Variants in CFAP299 observed in about 807,000 individuals in gnomAD.
CFAP299 encodes cilia- and flagella-associated protein 299.
CFAP299 carries 21 observed loss-of-function variants against 27.0 expected under a neutral mutation model. That is an observed-to-expected ratio of 0.78 (90% CI 0.55 to 1.12). CFAP299 has a LOEUF of 1.12. CFAP299 is among the 50% of genes most tolerant of loss of function. The pLI is 0.00. For missense variants in CFAP299, 310 were observed against 276.6 expected, an observed-to-expected ratio of 1.12 and a Z score of -0.86; for synonymous variants, 104 against 98.1, an observed-to-expected ratio of 1.06 and a Z score of -0.36.
In CFAP299 at chr4:80,909,761, T is replaced by C. The variant is rs116229847; in HGVS notation, c.477-35049T>C. On this transcript the variant is annotated intron_variant, in intron 4 of 5. Transcript: ENST00000358105. Reference sequence around the variant, plus strand: ...ATTTCAAAATTATAAATAAAATATATGATTTTAAAAAGAACAAATAGTTAA... The same window carrying C: ...ATTTCAAAATTATAAATAAAATATACGATTTTAAAAAGAACAAATAGTTAA... 6.1e-3 allele frequency among the ~76,000 whole-genome samples: 932 copies of C among 152,206 alleles called. 11 individuals are homozygous for C. Among genetic ancestry groups the C allele is most frequent in the African/African-American group, 0.021 (884 of 41,576 alleles).
intron 2 of CFAP299, among the ~76,000 whole-genome samples, chr4:80,367,057 A>T (rs2110004149): frequency 6.6e-6 from 1 of 152,274 alleles, no homozygotes; most frequent in Non-Finnish European, 1.5e-5. Flanking sequence ...TGGAAGGGAG[A>T]TTGGACAATG....
chr4:80,398,391 G>T (rs545994636), intron 2 of CFAP299, among the ~76,000 whole-genome samples: 41 of 152,230 alleles, frequency 2.7e-4, no homozygotes, highest in Middle Eastern at 3.4e-3. Flanking sequence ...TCAATCCTAA[G>T]CCAAAAGAAC....
intron 2 of CFAP299, among the ~76,000 whole-genome samples, chr4:80,531,747 G>GT (rs200507684): frequency 0.033 from 3,844 of 116,114 alleles, 181 homozygotes; most frequent in African/African-American, 0.076. Context: ...TAAGATAGAA[G>GT]TTTTTTTTTT....
intron 3 of CFAP299, among the ~76,000 whole-genome samples, chr4:80,711,567 T>A (rs528767412): frequency 2.0e-5 from 3 of 152,252 alleles, no homozygotes; most frequent in African/African-American, 7.2e-5. Context: ...ATTATATTTA[T>A]TTTACGGATG....
intron 4 of CFAP299, among the ~76,000 whole-genome samples, chr4:80,895,704 T>C (rs916234980): frequency 2.6e-5 from 4 of 152,020 alleles, no homozygotes; most frequent in Non-Finnish European, 5.9e-5. Flanking sequence ...CAAAGCTATA[T>C]AGGAGCAGCC....
At chr4:80,837,324 T>C (rs561145615) in intron 3 of CFAP299, among the ~76,000 whole-genome samples, 2 of 152,332 alleles carry the variant, frequency 1.3e-5, no homozygotes, top group South Asian at 4.1e-4. Flanking sequence ...CTGGGATACA[T>C]GTACAGAACA....
At chr4:80,697,838 G>A (rs1721206856) in intron 3 of CFAP299, among the ~76,000 whole-genome samples, 1 of 152,166 alleles carries the variant, frequency 6.6e-6, no homozygotes, top group South Asian at 2.1e-4. Context: ...TCTAAACAAA[G>A]TGACACCGAA....
chr4:80,824,906 A>T (rs963155834), intron 3 of CFAP299, among the ~76,000 whole-genome samples: 1 of 152,030 alleles, frequency 6.6e-6, no homozygotes, highest in Non-Finnish European at 1.5e-5. Flanking sequence ...CATTCAAAGG[A>T]ACAAAAAATT....
chr4:80,799,329 TATA>T (rs1362662732), intron 3 of CFAP299, among the ~76,000 whole-genome samples: 5 of 97,466 alleles, frequency 5.1e-5, no homozygotes, highest in Admixed American at 1.6e-4. Context: ...AATATATTTA[TATA>T]ATATTTATAT....
At chr4:80,614,184 G>A (rs1269122976) in intron 3 of CFAP299, among the ~76,000 whole-genome samples, 2 of 152,102 alleles carry the variant, frequency 1.3e-5, no homozygotes, top group Admixed American at 6.5e-5. Flanking sequence ...AGTTTGCACT[G>A]AAATAATGCT....
chr4:80,416,975 C>A (rs1007505814), intron 2 of CFAP299, among the ~76,000 whole-genome samples: 2 of 152,176 alleles, frequency 1.3e-5, no homozygotes, highest in African/African-American at 2.4e-5. Context: ...AGTAAAGGAA[C>A]AAGGAATGGC....
At chr4:80,961,569 T>C (rs1206866791) in intron 5 of CFAP299, among the ~76,000 whole-genome samples, 1 of 151,796 alleles carries the variant, frequency 6.6e-6, no homozygotes, top group Non-Finnish European at 1.5e-5. Context: ...TTTAACCTAA[T>C]TCATTACCCT....
intron 3 of CFAP299, among the ~76,000 whole-genome samples, chr4:80,722,660 G>A (rs1299024431): frequency 6.6e-6 from 1 of 152,080 alleles, no homozygotes; most frequent in African/African-American, 2.4e-5. Flanking sequence ...CAGCACTTTG[G>A]GAGGCTGAGG....
rs1265364970 is a variant in CFAP299, at chr4:80,691,417, A to C, written c.333+108234A>C. 3.0e-4 allele frequency among the ~76,000 whole-genome samples: 45 copies of C among 150,826 alleles called. No homozygotes were observed. In the East Asian group the frequency reaches 7.4e-3, roughly 25 times the overall value. Reference sequence around the variant, plus strand: ...TGCAAATCAATAAATGTAATCCAGCATATAAACAGAACCAAAGACAAAAAC... The same window carrying C: ...TGCAAATCAATAAATGTAATCCAGCCTATAAACAGAACCAAAGACAAAAAC... On this transcript the variant is annotated intron_variant, in intron 3 of 5. Coordinates refer to ENST00000358105, the MANE Select transcript of CFAP299 (RefSeq NM_152770.3).
At chr4:80,820,445 T>C (rs1049492163) in intron 3 of CFAP299, among the ~76,000 whole-genome samples, 6 of 151,964 alleles carry the variant, frequency 3.9e-5, no homozygotes, top group Non-Finnish European at 2.9e-5. Flanking sequence ...TAGAGAAATA[T>C]GCAACTACAA....
intron 2 of CFAP299, among the ~76,000 whole-genome samples, chr4:80,464,564 T>G (rs1449284031): frequency 6.6e-6 from 1 of 152,164 alleles, no homozygotes; most frequent in East Asian, 1.9e-4. Context: ...CTAGCAAACT[T>G]CTCATTTTTG....
Position 80,406,332 on chromosome 4 carries a change from A to G in CFAP299, c.242+43448A>G, listed in dbSNP as rs558068584. Reference sequence around the variant, plus strand: ...GCATTTCTTTGTGGGTGTCAGATTCATACTCTATCCATTCCTAATACAAAC... The same window carrying G: ...GCATTTCTTTGTGGGTGTCAGATTCGTACTCTATCCATTCCTAATACAAAC... On this transcript the variant is annotated intron_variant, in intron 2 of 5. Coordinates refer to ENST00000358105, the MANE Select transcript of CFAP299 (RefSeq NM_152770.3). Among the ~76,000 whole-genome samples, 6 of 152,266 alleles carry G rather than the reference A, an allele frequency of 3.9e-5. No homozygotes were observed. In the South Asian group the frequency reaches 1.0e-3, roughly 26 times the overall value.
chr4:80,513,251 A>G (rs1226836338), intron 2 of CFAP299, among the ~76,000 whole-genome samples: 3 of 152,152 alleles, frequency 2.0e-5, no homozygotes, highest in Non-Finnish European at 4.4e-5. Flanking sequence ...TTATACTTAA[A>G]CAATTCTGAA....
At chr4:80,625,464 G>A (rs1398377756) in intron 3 of CFAP299, among the ~76,000 whole-genome samples, 4 of 151,884 alleles carry the variant, frequency 2.6e-5, no homozygotes, top group Non-Finnish European at 4.4e-5. Context: ...AAGAGAAAGA[G>A]ACAGAAGATC....
Sources: gnomAD v4.1 joint callset for allele counts (sites outside exome capture counted in the v4.1 genomes callset) on GRCh38, gnomAD v4.1.1 for gene constraint, MANE v1.5 for transcripts, NCBI Gene and HGNC (gene_info 2026-07-23, HGNC 2026-07-21) for gene names.